Variants in PTGER4 observed in about 807,000 individuals in gnomAD.
PTGER4 encodes the protein prostaglandin E receptor 4, also known as prostaglandin E2 receptor EP4 subtype.
In PTGER4, 11 loss-of-function variants were observed where a neutral mutation model predicts 33.2. That is an observed-to-expected ratio of 0.33 (90% confidence interval 0.21 to 0.55). The LOEUF is 0.55. PTGER4 is among the 20% of genes least tolerant of loss of function. PTGER4 has a pLI of 0.92. For missense variants in PTGER4, 481 were observed against 650.2 expected, an observed-to-expected ratio of 0.74 and a Z score of 2.83; for synonymous variants, 275 against 281.5, an observed-to-expected ratio of 0.98 and a Z score of 0.23.
At chr5:40,738,552 TAAAATAAAATAAAATATAAAATAAA>T in the PTGER4 span, among the ~76,000 whole-genome samples, 1 of 112,682 alleles carries the variant, frequency 8.9e-6, no homozygotes, top group Non-Finnish European at 2.0e-5. Context: ...TAAAATAAAA[TAAAATAAAATAAAATATAAAATAAA>T]ATAAAATAAA....
chr5:40,742,202 T>A, the PTGER4 span, among the ~76,000 whole-genome samples: 6 of 152,152 alleles, frequency 3.9e-5, no homozygotes, highest in Non-Finnish European at 7.4e-5. Flanking sequence ...CCATGCCTAC[T>A]TTTTAAAGTA....
chr5:40,728,623 G>A, the PTGER4 span: 5 of 659,984 alleles, frequency 7.6e-6, no homozygotes, highest in African/African-American at 1.8e-5. Context: ...TGCCATTCAG[G>A]GTAAGAAATT....
chr5:40,720,164 G>A, the PTGER4 span, among the ~76,000 whole-genome samples: 1 of 152,168 alleles, frequency 6.6e-6, no homozygotes, highest in Non-Finnish European at 1.5e-5. Flanking sequence ...TCTCCTAAGA[G>A]TTTTATAATA....
the PTGER4 span, among the ~76,000 whole-genome samples, chr5:40,734,509 C>T: frequency 1.3e-5 from 2 of 152,168 alleles, no homozygotes; most frequent in Non-Finnish European, 2.9e-5. Flanking sequence ...TGGACTACAA[C>T]AGGGCAGGAT....
chr5:40,738,362 C>G, the PTGER4 span, among the ~76,000 whole-genome samples: 1 of 151,606 alleles, frequency 6.6e-6, no homozygotes, highest in African/African-American at 2.4e-5. Context: ...TTGCAGTGAG[C>G]TGAGATCATG....
Position 40,691,774 on chromosome 5 carries a change from T to A in PTGER4, c.868-5T>A. On this transcript the variant is annotated splice_region_variant and splice_polypyrimidine_tract_variant and intron_variant, in intron 2 of 2. Transcript: ENST00000302472. The surrounding 1 kb of genome is among the most constrained non-coding windows in gnomAD (Gnocchi z 4.2). ...AAATCTAAATGTGCGATCTCACTTATGCAGGTGCGAGTATTCGTCAACCAG... is the reference window on the plus strand; with the variant it reads ...AAATCTAAATGTGCGATCTCACTTAAGCAGGTGCGAGTATTCGTCAACCAG... 6.2e-7 allele frequency: 1 copy of A among 1,610,934 alleles called. No individual in the cohort carries two copies. The highest frequency in any genetic ancestry group is 8.5e-7 in the Non-Finnish European group (1 of 1,178,466).
chr5:40,742,474 A>C, the PTGER4 span, among the ~76,000 whole-genome samples: 455 of 152,368 alleles, frequency 3.0e-3, 2 homozygotes, highest in African/African-American at 0.01. Flanking sequence ...AGAGAAGCTG[A>C]ATAACTTGCC....
At chr5:40,724,782 A>G in the PTGER4 span, among the ~76,000 whole-genome samples, 1 of 152,184 alleles carries the variant, frequency 6.6e-6, no homozygotes, top group Non-Finnish European at 1.5e-5. Flanking sequence ...CTATTCAATT[A>G]TAAAAAAGAT....
At chr5:40,716,544 T>C in the PTGER4 span, 5 of 1,248,502 alleles carry the variant, frequency 4.0e-6, no homozygotes, top group Non-Finnish European at 5.7e-6. Context: ...TAAAAATTAG[T>C]ATGTTTAATA....
the PTGER4 span, among the ~76,000 whole-genome samples, chr5:40,707,634 T>C: frequency 6.6e-6 from 1 of 151,738 alleles, no homozygotes; most frequent in Non-Finnish European, 1.5e-5. Flanking sequence ...AGACAGAAAG[T>C]TAACAAGGAT....
downstream of PTGER4, among the ~76,000 whole-genome samples, chr5:40,694,975 C>CTAAT (rs1034958195): frequency 6.6e-6 from 1 of 152,204 alleles, no homozygotes; most frequent in Admixed American, 6.5e-5. Context: ...TTCTGATTGT[C>CTAAT]TAATTGGCTA....
chr5:40,689,151 C>T (rs1329299032), intron 2 of PTGER4, among the ~76,000 whole-genome samples: 2 of 152,216 alleles, frequency 1.3e-5, no homozygotes, highest in East Asian at 3.8e-4. Flanking sequence ...AATGGCTTCA[C>T]AGTCTGTTCA....
At chr5:40,738,499 C>CAATAAAATAA in the PTGER4 span, among the ~76,000 whole-genome samples, 23 of 80,846 alleles carry the variant, frequency 2.8e-4, no homozygotes, top group East Asian at 3.6e-3. Context: ...CAATACAATA[C>CAATAAAATAA]AATACAATAA....
rs371995851 is a variant in PTGER4, at chr5:40,691,101, A to G, written c.868-678A>G. On this transcript the variant is annotated intron_variant, in intron 2 of 2. Coordinates refer to ENST00000302472, the MANE Select transcript of PTGER4 (RefSeq NM_000958.3). The surrounding 1 kb of genome is among the most constrained non-coding windows in gnomAD (Gnocchi z 4.2). ...AGTGGCATCATCTCAGCTCACTGCA[A>G]CCTCCACCCGCCGCATTCAAGCCAT... is the stretch of plus-strand genomic sequence containing the variant. Among the ~76,000 whole-genome samples the G allele has an allele frequency of 1.6e-4, 25 of 151,860 alleles. No individual in the cohort carries two copies. In the East Asian group the frequency reaches 4.4e-3, roughly 27 times the overall value.
chr5:40,693,591 G>A lies in PTGER4; in HGVS notation c.*1213G>A. 1.0e-6 allele frequency: 1 copy of A among 985,916 alleles called. No individual in the cohort carries two copies. The highest frequency in any genetic ancestry group is 1.2e-6 in the Non-Finnish European group (1 of 829,878). The allele number at this position is 985,916 out of a possible 1,614,324, so 61.1% of individuals were successfully genotyped here. A position where few individuals can be genotyped will look rare whatever the true frequency, so the allele number is the denominator to read the frequency against. On this transcript the variant is annotated 3_prime_UTR_variant, in exon 3 of 3. Transcript: ENST00000302472. ...ACATATTTGAAGGGTCTTTCTCAAA[G>A]AAATATTAAGCATGTTTTGTTGCTC...
Position 40,691,503 on chromosome 5 carries a change from A to T in PTGER4, c.868-276A>T, listed in dbSNP as rs1741470577. Among the ~76,000 whole-genome samples, 1 of 152,074 alleles carries T rather than the reference A, an allele frequency of 6.6e-6. No homozygotes were observed. The highest frequency in any genetic ancestry group is 1.5e-5 in the Non-Finnish European group (1 of 67,996). ...CCTAATGTTTGTATTTTTAGTAGAG[A>T]TGGGGTTTCGCCATGTTGGACAAGT... On this transcript the variant is annotated intron_variant, in intron 2 of 2. Transcript: ENST00000302472. This position sits in a 1 kb window ranked among gnomAD's most constrained non-coding sequence, Gnocchi z 4.2.
At chr5:40,739,898 T>C in the PTGER4 span, among the ~76,000 whole-genome samples, 1 of 152,176 alleles carries the variant, frequency 6.6e-6, no homozygotes, top group Non-Finnish European at 1.5e-5. Context: ...ATTTTTTTCC[T>C]AACAATTTTA....
chr5:40,721,775 C>T, the PTGER4 span, among the ~76,000 whole-genome samples: 1 of 151,910 alleles, frequency 6.6e-6, no homozygotes. Flanking sequence ...AAAACATAGG[C>T]AACAAAATCA....
chr5:40,732,744 G>A, the PTGER4 span, among the ~76,000 whole-genome samples: 8 of 151,956 alleles, frequency 5.3e-5, no homozygotes, highest in African/African-American at 1.9e-4. Flanking sequence ...GAGTGGCTGG[G>A]ACTACAGGCA....
Sources: allele counts gnomAD v4.1 joint callset (sites outside exome capture counted in the v4.1 genomes callset), GRCh38; gene constraint gnomAD v4.1.1; non-coding constraint Gnocchi (gnomAD v3.1); transcripts MANE v1.5; gene names NCBI Gene and HGNC (gene_info 2026-07-23, HGNC 2026-07-21).